Variants in PTK7 observed in about 807,000 individuals in gnomAD.
PTK7 encodes inactive tyrosine-protein kinase 7.
In PTK7, 39 loss-of-function variants were observed where a neutral mutation model predicts 116.6. The ratio of observed to expected loss-of-function variants is 0.33; its 90% CI spans 0.26 to 0.44. The LOEUF (loss-of-function observed/expected upper bound fraction) is 0.44, where lower values mean the gene tolerates loss of function less well. Among genes scored for constraint, PTK7 ranks in the 20% least tolerant of loss-of-function variants. The pLI, the probability that PTK7 is intolerant of heterozygous loss-of-function variation, is 1.00. For synonymous variants in PTK7, 546 were observed against 563.6 expected (o/e 0.97, Z 0.44); for missense variants, 1,169 against 1,425.6 (o/e 0.82, Z 2.90).
At chr6:43,101,897 C>G (rs1249635858) in intron 1 of PTK7, among the ~76,000 whole-genome samples, 1 of 152,176 alleles carries the variant, frequency 6.6e-6, no homozygotes, top group Non-Finnish European at 1.5e-5. Context: ...AACTCATCAA[C>G]ATAAGACGTC....
At position 43,129,260 on chromosome 6, in the gene PTK7, C is replaced by A. The variant is rs370537004; in HGVS notation, c.363C>A (p.Ile121=). 6.2e-7 allele frequency: 1 copy of A among 1,613,950 alleles called. No individual in the cohort carries two copies. The highest frequency in any genetic ancestry group is 8.5e-7 in the Non-Finnish European group (1 of 1,180,048). The change falls in exon 2 of 20, where the codon ATC becomes ATA. Residue 121 remains isoleucine, a synonymous_variant. Transcript: ENST00000230419. This position sits in a 1 kb window ranked among gnomAD's most constrained non-coding sequence, Gnocchi z 4.5. ...EARSANASFN[I]KWIEAGPVVL... ...GCAGTGCCAACGCCTCCTTCAACAT[C>A]AAATGTGAGAGCCAGGGGGGCTGTG...
At chr6:43,136,820 G>A (rs1480955576) in intron 7 of PTK7, among the ~76,000 whole-genome samples, 8 of 152,000 alleles carry the variant, frequency 5.3e-5, no homozygotes, top group Non-Finnish European at 1.2e-4. Flanking sequence ...GGACCACATG[G>A]CCAGACCCCG....
At chr6:43,157,946 G>T (rs1771612995) in intron 17 of PTK7, among the ~76,000 whole-genome samples, 1 of 151,828 alleles carries the variant, frequency 6.6e-6, no homozygotes, top group African/African-American at 2.4e-5. Context: ...GGCTGGTCTC[G>T]AACTCCCAAT....
intron 17 of PTK7, among the ~76,000 whole-genome samples, chr6:43,148,467 C>A (rs962130632): frequency 1.4e-4 from 22 of 152,096 alleles, no homozygotes; most frequent in African/African-American, 4.3e-4. Flanking sequence ...TAGAGAAAAC[C>A]ATTTGAGTTT....
intron 1 of PTK7, among the ~76,000 whole-genome samples, chr6:43,107,999 G>A (rs563301648): frequency 1.3e-5 from 2 of 148,218 alleles, no homozygotes; most frequent in Non-Finnish European, 3.0e-5. Context: ...AGAAGATAAA[G>A]AGAATGTGTG....
intron 1 of PTK7, among the ~76,000 whole-genome samples, chr6:43,109,435 C>T (rs1185301766): frequency 2.0e-5 from 3 of 152,076 alleles, no homozygotes; most frequent in African/African-American, 7.2e-5. Flanking sequence ...CTAGGCTTCT[C>T]TTGTACATTT....
intron 17 of PTK7, among the ~76,000 whole-genome samples, chr6:43,157,348 A>AT (rs1771517056): frequency 2.1e-4 from 1 of 4,720 alleles, no homozygotes; most frequent in African/African-American, 6.8e-4. Context: ...ATATATATAT[A>AT]TATATATATA....
chr6:43,088,690 AAAAT>A (rs57382055), intron 1 of PTK7, among the ~76,000 whole-genome samples: 4,559 of 149,200 alleles, frequency 0.031, 90 homozygotes, highest in African/African-American at 0.06. Context: ...ACGCCATCTC[AAAAT>A]AAATAAATAA....
intron 1 of PTK7, among the ~76,000 whole-genome samples, chr6:43,112,091 G>A (rs1768224493): frequency 6.6e-6 from 1 of 151,938 alleles, no homozygotes; most frequent in African/African-American, 2.4e-5. Context: ...CAGGTAGTCT[G>A]ACTCCAGTCT....
rs1157034901 is a variant in PTK7, at chr6:43,130,398, G to A, written c.639G>A (p.Gln213=). 6.2e-7 allele frequency: 1 copy of A among 1,607,960 alleles called. No individual in the cohort carries two copies. The highest frequency in any genetic ancestry group is 8.5e-7 in the Non-Finnish European group (1 of 1,175,622). ...HSAFGQACSS[Q]NFTLSIADES... is the part of the protein sequence containing the mutation. Reference sequence around the variant, plus strand: ...CTTTTGGCCAGGCTTGCAGCAGCCAGAACTTCACCTTGAGCATTGCTGGTG... The same window carrying A: ...CTTTTGGCCAGGCTTGCAGCAGCCAAAACTTCACCTTGAGCATTGCTGGTG... The change falls in exon 4 of 20, where the codon CAG becomes CAA. Residue 213 remains glutamine, a synonymous_variant. Transcript: ENST00000230419.
chr6:43,087,183 A>T (rs1392990897), intron 1 of PTK7, among the ~76,000 whole-genome samples: 1 of 152,176 alleles, frequency 6.6e-6, no homozygotes, highest in Non-Finnish European at 1.5e-5. Context: ...GAGCCCCATT[A>T]CTGTACCCAC....
intron 1 of PTK7, among the ~76,000 whole-genome samples, chr6:43,104,179 AAATAAT>A (rs971826312): frequency 6.6e-6 from 1 of 152,194 alleles, no homozygotes; most frequent in African/African-American, 2.4e-5. Flanking sequence ...ATTAATTACA[AAATAAT>A]AATAAGGTAA....
chr6:43,142,434 C>T, intron 13 of PTK7, 135 bp downstream of exon 13: 1 of 1,316,030 alleles, frequency 7.6e-7, no homozygotes, highest in Non-Finnish European at 1.1e-6. Context: ...GCCGTCTCAC[C>T]ATGCTGCTGC....
intron 1 of PTK7, among the ~76,000 whole-genome samples, chr6:43,101,262 A>G (rs1235490039): frequency 7.3e-6 from 1 of 136,276 alleles, no homozygotes; most frequent in Non-Finnish European, 1.6e-5. Context: ...GGCGCGGTGG[A>G]AAGAAAGAGG....
chr6:43,079,655 A>G (rs180954394), intron 1 of PTK7, among the ~76,000 whole-genome samples: 18 of 152,266 alleles, frequency 1.2e-4, no homozygotes, highest in Admixed American at 9.8e-4. Context: ...CAGTGGCACA[A>G]TCTTGGCTCA....
intron 1 of PTK7, 28 bp from the exon 2 acceptor site, chr6:43,128,949 C>T: frequency 6.3e-7 from 1 of 1,575,438 alleles, no homozygotes; most frequent in South Asian, 1.2e-5. Context: ...TCCCCCTGAC[C>T]CTGCCTCTCC....
chr6:43,158,551 C>T (rs953930682), intron 17 of PTK7, among the ~76,000 whole-genome samples: 2 of 152,148 alleles, frequency 1.3e-5, no homozygotes, highest in Non-Finnish European at 2.9e-5. Context: ...CCCTTAGGCC[C>T]ATGTGCCACT....
At chr6:43,131,995 A>G (rs372757537) in intron 5 of PTK7, 21 bp from the exon 6 acceptor site, 54 of 1,613,310 alleles carry the variant, frequency 3.3e-5, no homozygotes, top group Non-Finnish European at 4.6e-5. Context: ...CTTTCTCCAA[A>G]TTGCACTCTC....
intron 17 of PTK7, among the ~76,000 whole-genome samples, chr6:43,148,937 T>C (rs1045157409): frequency 6.7e-6 from 1 of 149,626 alleles, no homozygotes; most frequent in Admixed American, 6.8e-5. Flanking sequence ...TAGGTGCCTG[T>C]AATCCAAGCT....
Sources: gnomAD v4.1 joint callset for allele counts (sites outside exome capture counted in the v4.1 genomes callset) on GRCh38, gnomAD v4.1.1 for gene constraint, Gnocchi (gnomAD v3.1) non-coding constraint, MANE v1.5 for transcripts, NCBI Gene and HGNC (gene_info 2026-07-23, HGNC 2026-07-21) for gene names.